PLCB4: variants seen among roughly 807,000 people sequenced by gnomAD.
PLCB4 encodes phospholipase C beta 4, also known as 1-phosphatidylinositol 4,5-bisphosphate phosphodiesterase beta-4.
PLCB4 carries 77 observed loss-of-function variants against 178.8 expected under a neutral mutation model. The ratio of observed to expected loss-of-function variants is 0.43; its 90% confidence interval spans 0.36 to 0.52. The LOEUF (loss-of-function observed/expected upper bound fraction) is 0.52, where lower values mean the gene tolerates loss of function less well. PLCB4 is among the 20% of genes least tolerant of loss of function. The probability of loss-of-function intolerance (pLI) is 0.00; values close to 1 mark genes in which losing one functional copy is unlikely to be tolerated. For missense variants in PLCB4, 1,024 were observed against 1,453.4 expected, an observed-to-expected ratio of 0.70 and a Z score of 4.80; for synonymous variants, 496 against 490.8, an observed-to-expected ratio of 1.01 and a Z score of -0.14.
intron 7 of PLCB4, among the ~76,000 whole-genome samples, chr20:9,353,211 G>A (rs1238231141): frequency 1.3e-5 from 2 of 152,194 alleles, no homozygotes; most frequent in Non-Finnish European, 2.9e-5. Flanking sequence ...GCTCACTGAT[G>A]TAGCTTTCTA....
intron 2 of PLCB4, among the ~76,000 whole-genome samples, chr20:9,192,523 T>G (rs952661513): frequency 1.3e-5 from 2 of 151,306 alleles, no homozygotes; most frequent in Non-Finnish European, 2.9e-5. Context: ...CTTGAATTTT[T>G]TTTTCTTTTT....
intron 3 of PLCB4, among the ~76,000 whole-genome samples, chr20:9,267,211 T>C (rs1202941259): frequency 1.3e-5 from 2 of 152,220 alleles, no homozygotes; most frequent in Admixed American, 6.5e-5. Flanking sequence ...TAAAGTGATT[T>C]TCATTAAATA....
At chr20:9,155,846 C>T (rs963261403) in intron 2 of PLCB4, among the ~76,000 whole-genome samples, 35 of 152,258 alleles carry the variant, frequency 2.3e-4, no homozygotes, top group African/African-American at 7.9e-4. Flanking sequence ...ATAGACTATA[C>T]CTACATCGTG....
intron 2 of PLCB4, among the ~76,000 whole-genome samples, chr20:9,193,579 G>A (rs75002118): frequency 0.027 from 4,156 of 152,222 alleles, 82 homozygotes; most frequent in African/African-American, 0.038. Flanking sequence ...GGGATGAAGA[G>A]TGACAAGTTG....
chr20:9,446,850 C>T (rs2042444467), intron 32 of PLCB4, among the ~76,000 whole-genome samples: 1 of 152,210 alleles, frequency 6.6e-6, no homozygotes, highest in Admixed American at 6.5e-5. Context: ...CACTGCACTC[C>T]AGCCTGGGTG....
At chr20:9,276,633 G>C (rs2094452840) in intron 3 of PLCB4, among the ~76,000 whole-genome samples, 4 of 152,050 alleles carry the variant, frequency 2.6e-5, no homozygotes, top group Admixed American at 2.0e-4. Flanking sequence ...GCCATTCCTA[G>C]TCCCTGCTCT....
At chr20:9,456,870 A>T (rs2043089972) in intron 33 of PLCB4, among the ~76,000 whole-genome samples, 1 of 152,196 alleles carries the variant, frequency 6.6e-6, no homozygotes, top group South Asian at 2.1e-4. Flanking sequence ...TTCCAAAAGG[A>T]AGACATAATC....
chr20:9,126,705 A>G (rs974056093), intron 2 of PLCB4, among the ~76,000 whole-genome samples: 7 of 152,144 alleles, frequency 4.6e-5, no homozygotes, highest in Admixed American at 4.6e-4. Flanking sequence ...ATTAAGCACA[A>G]CAAACCAGCA....
chr20:9,363,025 G>A, intron 8 of PLCB4, 50 bp downstream of exon 8: 1 of 1,314,418 alleles, frequency 7.6e-7, no homozygotes, highest in Non-Finnish European at 1.1e-6. Flanking sequence ...TCAAACAAAT[G>A]GTCAGATGAA....
chr20:9,082,149 G>A (rs2090184603), intron 1 of PLCB4, among the ~76,000 whole-genome samples: 1 of 152,056 alleles, frequency 6.6e-6, no homozygotes, highest in South Asian at 2.1e-4. Context: ...TGGAAATTTA[G>A]GAACAAAATA....
chr20:9,273,378 GGA>G (rs1485325184), intron 3 of PLCB4, among the ~76,000 whole-genome samples: 1 of 152,046 alleles, frequency 6.6e-6, no homozygotes, highest in Non-Finnish European at 1.5e-5. Context: ...ACTGAAATAC[GGA>G]GAGGTTAAGT....
chr20:9,406,732 T>C (rs1041637468), intron 21 of PLCB4, among the ~76,000 whole-genome samples: 4 of 152,070 alleles, frequency 2.6e-5, no homozygotes, highest in Non-Finnish European at 5.9e-5. Context: ...CCTGACCTCA[T>C]GATCCACCCG....
intron 3 of PLCB4, among the ~76,000 whole-genome samples, chr20:9,226,981 T>C (rs1024875792): frequency 6.6e-6 from 1 of 152,142 alleles, no homozygotes. Flanking sequence ...TTTTTTTGTT[T>C]GTTTTTTTTA....
At chr20:9,199,889 T>G (rs540045868) in intron 2 of PLCB4, among the ~76,000 whole-genome samples, 36 of 146,274 alleles carry the variant, frequency 2.5e-4, no homozygotes, top group African/African-American at 8.4e-4. Flanking sequence ...CTATTTACAT[T>G]TCAGTCAACC....
chr20:9,318,008 G>C (rs1355997584), intron 4 of PLCB4, among the ~76,000 whole-genome samples: 1 of 152,016 alleles, frequency 6.6e-6, no homozygotes, highest in Middle Eastern at 3.4e-3. Flanking sequence ...AAATTAGCTG[G>C]GCTTGGTTGC....
At chr20:9,277,455 C>G (rs1456699386) in intron 3 of PLCB4, among the ~76,000 whole-genome samples, 1 of 151,958 alleles carries the variant, frequency 6.6e-6, no homozygotes, top group Non-Finnish European at 1.5e-5. Flanking sequence ...AGCTTTCCTG[C>G]TTGGGTATAT....
chr20:9,329,951 A>G (rs1286591424), intron 4 of PLCB4, among the ~76,000 whole-genome samples: 24 of 152,248 alleles, frequency 1.6e-4, no homozygotes, highest in Non-Finnish European at 1.5e-5. Flanking sequence ...ACATCAGTCC[A>G]TAAATCATTC....
chr20:9,237,425 A>G (rs966720855), intron 3 of PLCB4, among the ~76,000 whole-genome samples: 3 of 152,222 alleles, frequency 2.0e-5, no homozygotes, highest in East Asian at 1.9e-4. Context: ...ATGAAACGCT[A>G]AGGAGTTTGG....
chr20:9,306,668 C>T (rs937569484), intron 3 of PLCB4, among the ~76,000 whole-genome samples: 1 of 152,102 alleles, frequency 6.6e-6, no homozygotes, highest in Middle Eastern at 3.2e-3. Flanking sequence ...GGTGTTCTTC[C>T]ATGTTCTTTG....
Sources: gnomAD v4.1 joint callset for allele counts (sites outside exome capture counted in the v4.1 genomes callset) on GRCh38, gnomAD v4.1.1 for gene constraint, MANE v1.5 for transcripts, NCBI Gene and HGNC (gene_info 2026-07-23, HGNC 2026-07-21) for gene names.